The following NRG1 variants were observed in gnomAD, a reference collection of about 807,000 sequenced individuals.
NRG1 encodes the protein pro-neuregulin-1, membrane-bound isoform.
In NRG1, 18 loss-of-function variants were observed where a neutral mutation model predicts 63.8. That is an observed-to-expected ratio of 0.28 (90% CI 0.19 to 0.42). The LOEUF is 0.42. NRG1 is among the 10% of genes least tolerant of loss of function. The pLI, the probability that NRG1 is intolerant of heterozygous loss-of-function variation, is 1.00. For missense variants in NRG1, 762 were observed against 814.7 expected (o/e 0.94, Z 0.79); for synonymous variants, 302 against 301.3 (o/e 1.00, Z -0.02).
intron 1 of NRG1, among the ~76,000 whole-genome samples, chr8:32,214,058 C>T (rs184577905): frequency 9.9e-5 from 15 of 152,226 alleles, no homozygotes; most frequent in African/African-American, 2.2e-4. Context: ...CCTGTGGTTC[C>T]GTCTCTGGAC....
chr8:32,323,811 G>C (rs1359178831), intron 1 of NRG1, among the ~76,000 whole-genome samples: 1 of 152,240 alleles, frequency 6.6e-6, no homozygotes, highest in Admixed American at 6.5e-5. Flanking sequence ...ATGGGTGGCA[G>C]ACAATAGCTT....
chr8:32,421,314 C>T (rs553202116), intron 1 of NRG1, among the ~76,000 whole-genome samples: 34 of 152,072 alleles, frequency 2.2e-4, no homozygotes, highest in African/African-American at 3.6e-4. Flanking sequence ...ATGAGATGTA[C>T]GAAAATTGGC....
intron 1 of NRG1, among the ~76,000 whole-genome samples, chr8:32,239,530 ATG>A (rs1847902696): frequency 1.3e-5 from 2 of 151,962 alleles, no homozygotes. Flanking sequence ...ATGAATTTCA[ATG>A]AATTTTAAAA....
At chr8:32,529,804 A>T (rs978676084) in intron 1 of NRG1, among the ~76,000 whole-genome samples, 1 of 152,164 alleles carries the variant, frequency 6.6e-6, no homozygotes, top group African/African-American at 2.4e-5. Context: ...TGATAACAAT[A>T]CTTTCTTCTG....
intron 1 of NRG1, among the ~76,000 whole-genome samples, chr8:31,771,514 A>G (rs1436608054): frequency 6.6e-6 from 1 of 152,214 alleles, no homozygotes; most frequent in Non-Finnish European, 1.5e-5. Flanking sequence ...ATTAATTTCT[A>G]GAAGCGTGAA....
At chr8:31,788,529 T>A (rs1478986766) in intron 1 of NRG1, among the ~76,000 whole-genome samples, 1 of 152,120 alleles carries the variant, frequency 6.6e-6, no homozygotes, top group Non-Finnish European at 1.5e-5. Flanking sequence ...TCAGGACCAT[T>A]GTAAGAAAAT....
At chr8:31,697,303 ATTTC>A (rs1036015078) in intron 1 of NRG1, among the ~76,000 whole-genome samples, 1 of 152,156 alleles carries the variant, frequency 6.6e-6, no homozygotes, top group Non-Finnish European at 1.5e-5. Flanking sequence ...GGTAGTTTTA[ATTTC>A]TTTCTCAAAG....
At chr8:31,861,882 T>C (rs565087950) in intron 1 of NRG1, among the ~76,000 whole-genome samples, 1 of 152,270 alleles carries the variant, frequency 6.6e-6, no homozygotes, top group Admixed American at 6.5e-5. Flanking sequence ...TTGAAGAACA[T>C]TCAGACAGTT....
intron 1 of NRG1, among the ~76,000 whole-genome samples, chr8:32,025,686 G>T (rs1315922987): frequency 2.6e-5 from 4 of 151,698 alleles, no homozygotes; most frequent in Non-Finnish European, 4.4e-5. Context: ...AGTGGCTCAC[G>T]CCTGTAATCC....
At chr8:32,601,869 C>G (rs1489562548) in intron 2 of NRG1, among the ~76,000 whole-genome samples, 1 of 150,386 alleles carries the variant, frequency 6.6e-6, no homozygotes, top group Non-Finnish European at 1.5e-5. Flanking sequence ...CTAAAGAGTA[C>G]ATAAGGTTTT....
intron 1 of NRG1, among the ~76,000 whole-genome samples, chr8:31,943,439 T>A (rs1413537058): frequency 3.0e-4 from 46 of 152,076 alleles, no homozygotes; most frequent in Non-Finnish European, 4.4e-5. Flanking sequence ...CAGTGTACAC[T>A]GCTCTGGTGA....
At chr8:31,813,151 T>G (rs1173461490) in intron 1 of NRG1, among the ~76,000 whole-genome samples, 2 of 152,252 alleles carry the variant, frequency 1.3e-5, no homozygotes, top group Non-Finnish European at 2.9e-5. Flanking sequence ...AAATTGTTAG[T>G]ATTATACCTT....
intron 1 of NRG1, among the ~76,000 whole-genome samples, chr8:32,207,175 C>T: frequency 6.6e-6 from 1 of 152,010 alleles, no homozygotes; most frequent in East Asian, 1.9e-4. Flanking sequence ...GCCTCTAGAA[C>T]ATGACAGTCT....
intron 1 of NRG1, among the ~76,000 whole-genome samples, chr8:31,785,262 G>A (rs1452826640): frequency 2.0e-5 from 3 of 152,138 alleles, no homozygotes; most frequent in Non-Finnish European, 4.4e-5. Flanking sequence ...GAGTATGGGA[G>A]TTGTCCTTCA....
intron 1 of NRG1, among the ~76,000 whole-genome samples, chr8:31,706,600 T>C (rs1811174535): frequency 6.6e-6 from 1 of 152,230 alleles, no homozygotes; most frequent in African/African-American, 2.4e-5. Context: ...AGTTTATGAA[T>C]GTTGATCAGC....
intron 1 of NRG1, among the ~76,000 whole-genome samples, chr8:31,715,216 C>T (rs1195235027): frequency 6.6e-6 from 1 of 151,912 alleles, no homozygotes; most frequent in Non-Finnish European, 1.5e-5. Flanking sequence ...TTAGAGAATA[C>T]AAACCTATAA....
rs566879070 is a variant in NRG1, at chr8:32,438,155, C to T, written c.38-157673C>T. 7.2e-5 allele frequency among the ~76,000 whole-genome samples: 11 copies of T among 152,270 alleles called. No homozygotes were observed. In the South Asian group the frequency reaches 2.3e-3, roughly 32 times the overall value. ...CATTTTCATCCAGGCATCCCCTGTG[C>T]TTAGCCCTTTTGTAGCTACGTCTAC... On this transcript the variant is annotated intron_variant, in intron 1 of 10. Coordinates refer to the NRG1 transcript ENST00000519301.
At chr8:32,662,367 G>A (rs1803085813) in intron 5 of NRG1, among the ~76,000 whole-genome samples, 1 of 152,200 alleles carries the variant, frequency 6.6e-6, no homozygotes. Flanking sequence ...GTGTAGCATG[G>A]GAGGCAGGAG....
intron 1 of NRG1, among the ~76,000 whole-genome samples, chr8:32,474,156 G>T (rs1824190035): frequency 6.6e-6 from 1 of 152,212 alleles, no homozygotes; most frequent in Non-Finnish European, 1.5e-5. Context: ...ACACAGACAT[G>T]CTGTCCCATA....
Sources: allele counts gnomAD v4.1 joint callset (sites outside exome capture counted in the v4.1 genomes callset), GRCh38; gene constraint gnomAD v4.1.1; transcripts MANE v1.5; gene names NCBI Gene and HGNC (gene_info 2026-07-23, HGNC 2026-07-21).